The following PCDHGA3 variants were observed in gnomAD, a reference collection of about 807,000 sequenced individuals.
PCDHGA3 encodes the protein protocadherin gamma subfamily A, 3.
In PCDHGA3, 40 loss-of-function variants were observed where a neutral mutation model predicts 58.5. That is an observed-to-expected ratio of 0.68 (90% CI 0.53 to 0.89). PCDHGA3 has a LOEUF of 0.89. Among genes scored for constraint, PCDHGA3 ranks in the 40% least tolerant of loss-of-function variants. The pLI, the probability that PCDHGA3 is intolerant of heterozygous loss-of-function variation, is 0.00. For synonymous variants in PCDHGA3, 530 were observed against 525.7 expected (o/e 1.01, Z -0.11); for missense variants, 1,223 against 1,195.9 (o/e 1.02, Z -0.33).
intron 1 of PCDHGA3, chr5:141,415,035 C>T (rs368588973): frequency 8.9e-5 from 143 of 1,613,460 alleles, no homozygotes; most frequent in Non-Finnish European, 1.1e-4. Flanking sequence ...AGCCGGGACT[C>T]TTCGCGGTGG....
Position 141,370,669 on chromosome 5 carries a change from G to T in PCDHGA3, c.2424+24212G>T, listed in dbSNP as rs370792537. 8.7e-6 allele frequency: 14 copies of T among 1,613,790 alleles called. No homozygotes were observed. The highest frequency in any genetic ancestry group is 1.1e-5 in the Non-Finnish European group (13 of 1,179,912). On this transcript the variant is annotated intron_variant, in intron 1 of 3. Coordinates refer to ENST00000253812, the MANE Select transcript of PCDHGA3 (RefSeq NM_018916.4). ...TTACTTGTGAGCGACCGTATAGACCGAGAGGAGATTTGTGGCAAGAAGTCG... is the reference window on the plus strand; with the variant it reads ...TTACTTGTGAGCGACCGTATAGACCTAGAGGAGATTTGTGGCAAGAAGTCG...
chr5:141,450,608 T>C (rs916441293), intron 1 of PCDHGA3, among the ~76,000 whole-genome samples: 5 of 151,776 alleles, frequency 3.3e-5, no homozygotes, highest in Admixed American at 2.6e-4. Flanking sequence ...TGCCTCAGCC[T>C]CCTGAGTAGC....
In PCDHGA3 at chr5:141,383,217, T is replaced by C. The variant is rs367646444; in HGVS notation, c.2424+36760T>C. The stretch of plus-strand genomic sequence containing the variant: ...AGAGTGCGCGGTGTCTGGTAAACTT[T>C]AACATCCTGATGGAAGATAAAATGA... On this transcript the variant is annotated intron_variant, in intron 1 of 3. Coordinates refer to ENST00000253812, the MANE Select transcript of PCDHGA3 (RefSeq NM_018916.4). 8.1e-6 allele frequency: 13 copies of C among 1,613,876 alleles called. 1 individual carries two copies. The Admixed American group carries it at 1.0e-4, about 12-fold the overall frequency.
chr5:141,485,279 C>T lies in PCDHGA3; in HGVS notation c.2425-9528C>T. 1 of 1,614,108 alleles carries T rather than the reference C, an allele frequency of 6.2e-7. No individual in the cohort carries two copies. Among genetic ancestry groups the T allele is most frequent in the Non-Finnish European group, 8.5e-7 (1 of 1,179,966 alleles). ...TTGTGGGCAGATCCGCTACCCGGTC[C>T]CAGAGGAGTCACAGGAAGGGACTTT... On this transcript the variant is annotated intron_variant, in intron 1 of 3. Transcript: ENST00000253812. The surrounding 1 kb of genome is among the most constrained non-coding windows in gnomAD (Gnocchi z 5.7).
At chr5:141,371,198 CATGG>C in intron 1 of PCDHGA3, 3 of 1,614,008 alleles carry the variant, frequency 1.9e-6, no homozygotes, top group Non-Finnish European at 2.5e-6. Flanking sequence ...TGGCCATTGA[CATGG>C]ATGAGGGCAT....
intron 1 of PCDHGA3, chr5:141,352,253 C>A (rs752340715): frequency 1.2e-6 from 2 of 1,614,100 alleles, no homozygotes; most frequent in Admixed American, 3.3e-5. Flanking sequence ...GGATAGCCTG[C>A]AAGAGGTATT....
At chr5:141,366,636 T>C (rs374724936) in intron 1 of PCDHGA3, 12 of 1,614,240 alleles carry the variant, frequency 7.4e-6, no homozygotes, top group Non-Finnish European at 1.0e-5. Context: ...AGTCACCTGA[T>C]CTTTCCCCAG....
At position 141,381,228 on chromosome 5, in the gene PCDHGA3, A is replaced by G. The variant is rs182297381; in HGVS notation, c.2424+34771A>G. ...TCTGGATTCTCCTCCTGGTTCCACC[A>G]ACTACTCTCCAGGACCTAGAAGAAT... On this transcript the variant is annotated intron_variant, in intron 1 of 3. Transcript: ENST00000253812. Among the ~76,000 whole-genome samples, 8 of 152,396 alleles carry G rather than the reference A, an allele frequency of 5.2e-5. No individual in the cohort carries two copies. In the East Asian group the frequency reaches 1.5e-3, roughly 29 times the overall value.
chr5:141,478,290 A>G, intron 1 of PCDHGA3: 1 of 1,614,056 alleles, frequency 6.2e-7, no homozygotes, highest in South Asian at 1.1e-5. Flanking sequence ...CAGTCTAGAG[A>G]CCTATACCGA....
intron 1 of PCDHGA3, chr5:141,385,485 A>G: frequency 7.1e-7 from 1 of 1,418,146 alleles, no homozygotes; most frequent in Admixed American, 3.0e-5. Flanking sequence ...AATATAGAAC[A>G]CATAGGATAT....
chr5:141,457,942 T>C (rs2098933338), intron 1 of PCDHGA3, among the ~76,000 whole-genome samples: 1 of 152,226 alleles, frequency 6.6e-6, no homozygotes, highest in Non-Finnish European at 1.5e-5. Flanking sequence ...TTATTGGCTC[T>C]GCATGTCAAG....
chr5:141,487,403 C>T lies in PCDHGA3; in HGVS notation c.2425-7404C>T. 1 of 1,614,140 alleles carries T rather than the reference C, an allele frequency of 6.2e-7. No homozygotes were observed. Among genetic ancestry groups the T allele is most frequent in the South Asian group, 1.1e-5 (1 of 91,082 alleles). ...CAGATCTCGAAGGAGGGAGGGGCTTCCCCCTTCCAATGGGATCCTCCGAAT... is the reference window on the plus strand; with the variant it reads ...CAGATCTCGAAGGAGGGAGGGGCTTTCCCCTTCCAATGGGATCCTCCGAAT... On this transcript the variant is annotated intron_variant, in intron 1 of 3. Coordinates refer to ENST00000253812, the MANE Select transcript of PCDHGA3 (RefSeq NM_018916.4). The surrounding 1 kb of genome is among the most constrained non-coding windows in gnomAD (Gnocchi z 5.0).
At chr5:141,371,511 G>T (rs747916078) in intron 1 of PCDHGA3, 7 of 1,613,850 alleles carry the variant, frequency 4.3e-6, no homozygotes, top group East Asian at 2.2e-5. Context: ...CAAAACACAT[G>T]ATCTAGATTC....
chr5:141,376,710 C>A lies in PCDHGA3; in HGVS notation c.2424+30253C>A, dbSNP rs967144900. 118 of 619,882 alleles carry A rather than the reference C, an allele frequency of 1.9e-4. No individual in the cohort carries two copies. The East Asian group carries it at 3.7e-3, about 19-fold the overall frequency. 38.4% of individuals were successfully genotyped at this position (619,882 alleles called of 1,614,324 possible). Reference sequence around the variant, plus strand: ...TTTTTTTTTTTTTGAGACGGAGTCTCGCTCTGTCGCCCAGGCCGGACTGCG... The same window carrying A: ...TTTTTTTTTTTTTGAGACGGAGTCTAGCTCTGTCGCCCAGGCCGGACTGCG... On this transcript the variant is annotated intron_variant, in intron 1 of 3. Transcript: ENST00000253812.
intron 1 of PCDHGA3, chr5:141,403,476 A>T: frequency 6.2e-7 from 1 of 1,613,972 alleles, no homozygotes; most frequent in Non-Finnish European, 8.5e-7. Flanking sequence ...CTCAGCCCCA[A>T]TCACCACTTC....
chr5:141,400,709 G>A (rs1361669405), intron 1 of PCDHGA3: 1 of 696,272 alleles, frequency 1.4e-6, no homozygotes, highest in East Asian at 2.7e-5. Flanking sequence ...AAAAGAAGTA[G>A]CCTTATAGAT....
chr5:141,375,952 G>C (rs1032808913), intron 1 of PCDHGA3: 7 of 1,613,514 alleles, frequency 4.3e-6, no homozygotes, highest in South Asian at 1.1e-5. Flanking sequence ...GCCTGCACAC[G>C]GGCGAGGTGC....
rs763743728 is a variant in PCDHGA3, at chr5:141,398,890, G to C, written c.2424+52433G>C. On this transcript the variant is annotated intron_variant, in intron 1 of 3. Coordinates refer to ENST00000253812, the MANE Select transcript of PCDHGA3 (RefSeq NM_018916.4). ...GTACAGAGTCAGCCTTCGGGAAAAC[G>C]TGCCACCAGGCACCACTGTGTTGCA... is the stretch of plus-strand genomic sequence containing the variant. 2.5e-6 allele frequency: 4 copies of C among 1,613,920 alleles called. No homozygotes were observed. The South Asian group carries it at 3.3e-5, about 13-fold the overall frequency.
At chr5:141,479,561 G>A (rs1032137833) in intron 1 of PCDHGA3, 1 of 152,270 alleles carries the variant, frequency 6.6e-6, no homozygotes, top group African/African-American at 2.4e-5. Context: ...CTATCCAGTA[G>A]TGGGATGACA....
Sources: gnomAD v4.1 joint callset for allele counts (sites outside exome capture counted in the v4.1 genomes callset) on GRCh38, gnomAD v4.1.1 for gene constraint, Gnocchi (gnomAD v3.1) non-coding constraint, MANE v1.5 for transcripts, NCBI Gene and HGNC (gene_info 2026-07-23, HGNC 2026-07-21) for gene names.